The following CSMD3 variants were observed in gnomAD, a reference collection of about 807,000 sequenced individuals.
CSMD3 encodes the protein CUB and Sushi multiple domains 3.
CSMD3 carries 177 observed loss-of-function variants against 435.2 expected under a neutral mutation model. That is an observed-to-expected ratio of 0.41 (90% CI 0.36 to 0.46). The LOEUF is 0.46. Ranked by LOEUF, CSMD3 falls within the 20% of genes least tolerant of loss-of-function variation. The probability of loss-of-function intolerance (pLI) is 0.34; values close to 1 mark genes in which losing one functional copy is unlikely to be tolerated. For synonymous variants in CSMD3, 1,656 were observed against 1,520.5 expected, an observed-to-expected ratio of 1.09 and a Z score of -2.07; for missense variants, 4,265 against 4,504.6, an observed-to-expected ratio of 0.95 and a Z score of 1.52.
intron 5 of CSMD3, among the ~76,000 whole-genome samples, chr8:113,094,309 A>G (rs896110443): frequency 6.6e-6 from 1 of 152,152 alleles, no homozygotes; most frequent in Non-Finnish European, 1.5e-5. Flanking sequence ...GCAGCCCCCT[A>G]AATGGTCTTT....
At chr8:113,111,069 C>G (rs1306685209) in intron 4 of CSMD3, among the ~76,000 whole-genome samples, 2 of 152,134 alleles carry the variant, frequency 1.3e-5, no homozygotes, top group Non-Finnish European at 2.9e-5. Context: ...CTAATATCAT[C>G]ACTATGGAGA....
intron 1 of CSMD3, among the ~76,000 whole-genome samples, chr8:113,382,904 A>C (rs994153388): frequency 6.6e-6 from 1 of 152,036 alleles, no homozygotes; most frequent in South Asian, 2.1e-4. Context: ...TCCCTTGAAC[A>C]TGGCAAGTGG....
intron 35 of CSMD3, among the ~76,000 whole-genome samples, chr8:112,404,043 T>C (rs1287954988): frequency 6.6e-6 from 1 of 152,084 alleles, no homozygotes; most frequent in African/African-American, 2.4e-5. Flanking sequence ...CTGTGAAATA[T>C]GCTAGGTATA....
intron 27 of CSMD3, among the ~76,000 whole-genome samples, chr8:112,518,732 T>C (rs1823964937): frequency 6.6e-6 from 1 of 151,928 alleles, no homozygotes; most frequent in African/African-American, 2.4e-5. Flanking sequence ...TATATTGTAT[T>C]AGTCTGTTAA....
At chr8:112,937,837 C>T (rs72682146) in intron 9 of CSMD3, among the ~76,000 whole-genome samples, 3 of 152,038 alleles carry the variant, frequency 2.0e-5, no homozygotes, top group Non-Finnish European at 4.4e-5. Flanking sequence ...TTCAATGCAG[C>T]AAGTGATTCT....
chr8:112,505,130 T>C (rs1317797554), intron 29 of CSMD3, among the ~76,000 whole-genome samples: 1 of 152,100 alleles, frequency 6.6e-6, no homozygotes, highest in Non-Finnish European at 1.5e-5. Flanking sequence ...TAAGCAGTGG[T>C]AAAGAAAGAA....
At chr8:112,375,416 A>G (rs1173679537) in intron 38 of CSMD3, among the ~76,000 whole-genome samples, 1 of 152,110 alleles carries the variant, frequency 6.6e-6, no homozygotes, top group Non-Finnish European at 1.5e-5. Flanking sequence ...TTTCCCGTCA[A>G]AGATGTTGGT....
intron 5 of CSMD3, among the ~76,000 whole-genome samples, chr8:113,021,258 A>G (rs554092754): frequency 6.6e-5 from 10 of 152,306 alleles, no homozygotes; most frequent in Admixed American, 5.9e-4. Flanking sequence ...CTCAAGTTTT[A>G]AAATTTGCTT....
intron 3 of CSMD3, among the ~76,000 whole-genome samples, chr8:113,247,046 T>C (rs2093283352): frequency 6.6e-6 from 1 of 152,200 alleles, no homozygotes; most frequent in African/African-American, 2.4e-5. Context: ...GTACACACTT[T>C]GCACATGTGT....
At chr8:112,777,528 T>C (rs2078276144) in intron 13 of CSMD3, among the ~76,000 whole-genome samples, 1 of 151,848 alleles carries the variant, frequency 6.6e-6, no homozygotes, top group Non-Finnish European at 1.5e-5. Flanking sequence ...CCAAGATATT[T>C]ATACAAAGAT....
intron 10 of CSMD3, among the ~76,000 whole-genome samples, chr8:112,903,167 A>AAAAAAAAAG (rs1564085608): frequency 1.1e-4 from 17 of 148,100 alleles, no homozygotes; most frequent in Non-Finnish European, 1.5e-4. Flanking sequence ...AAAAAAAAAA[A>AAAAAAAAAG]AAAAAAAAGA....
At chr8:112,829,622 T>A (rs1193990410) in intron 12 of CSMD3, 64 bp downstream of exon 12, 5 of 896,602 alleles carry the variant, frequency 5.6e-6, no homozygotes, top group African/African-American at 5.0e-5. Context: ...AAAACAATAA[T>A]TTGAAAGTAA....
rs1330121798 is a variant in CSMD3, at chr8:113,173,736, A to G, written c.695T>C (p.Val232Ala). The change falls in exon 4 of 71, where the codon GTT (valine) becomes GCT (alanine). Residue 232 changes from valine to alanine, a missense_variant. Around this residue, in one of 3 missense-constraint regions of CSMD3, gnomAD observed 731 missense variants for 755.4 expected, o/e 0.97. Transcript: ENST00000297405. ...TTTCATTTTACCTCTACAGATAGGA[A>G]CAGGAAAATCCCACGAAGCTGTATT... ...SVNTASWDFP[V>A]PICRAEDACG... The G allele has an allele frequency of 6.2e-7, 1 of 1,612,526 alleles. No individual in the cohort carries two copies.
chr8:112,457,935 T>C (rs888903418), intron 32 of CSMD3, among the ~76,000 whole-genome samples: 2 of 151,984 alleles, frequency 1.3e-5, no homozygotes, highest in Admixed American at 1.3e-4. Flanking sequence ...TAAATAAATA[T>C]GGTAAATAAG....
chr8:112,897,690 C>CTG (rs1278209640), intron 10 of CSMD3, among the ~76,000 whole-genome samples: 73 of 125,156 alleles, frequency 5.8e-4, no homozygotes, highest in African/African-American at 2.1e-3. Flanking sequence ...CTCTCTCTCT[C>CTG]TCTCTGTGTG....
intron 3 of CSMD3, among the ~76,000 whole-genome samples, chr8:113,206,986 T>G (rs2092778008): frequency 6.6e-6 from 1 of 152,166 alleles, no homozygotes; most frequent in Non-Finnish European, 1.5e-5. Context: ...TTTCGGCATC[T>G]AGTTGGGCAC....
intron 27 of CSMD3, among the ~76,000 whole-genome samples, chr8:112,548,174 G>A (rs1827354231): frequency 6.6e-6 from 1 of 152,076 alleles, no homozygotes. Flanking sequence ...AGGGCAAAAT[G>A]CTTAGAACCA....
intron 1 of CSMD3, among the ~76,000 whole-genome samples, chr8:113,421,508 T>G (rs1349712850): frequency 1.3e-5 from 2 of 152,244 alleles, no homozygotes; most frequent in African/African-American, 4.8e-5. Context: ...ATATACTTCA[T>G]GTTTACATTG....
chr8:113,155,095 G>C (rs1256482554), intron 4 of CSMD3, among the ~76,000 whole-genome samples: 1 of 151,952 alleles, frequency 6.6e-6, no homozygotes, highest in Non-Finnish European at 1.5e-5. Context: ...TGCAATTAAA[G>C]TAAGAATAAA....
Sources: gnomAD v4.1 joint callset for allele counts (sites outside exome capture counted in the v4.1 genomes callset) on GRCh38, gnomAD v4.1.1 for gene constraint, gnomAD v4.1.1 regional missense constraint, MANE v1.5 for transcripts, NCBI Gene and HGNC (gene_info 2026-07-23, HGNC 2026-07-21) for gene names.